Variants in FARS2 observed in about 807,000 individuals in gnomAD.
FARS2 encodes the protein phenylalanine--tRNA ligase, mitochondrial.
A neutral mutation model predicts 46.4 loss-of-function variants in FARS2; 40 were observed. That is an observed-to-expected ratio of 0.86 (90% CI 0.67 to 1.12). The LOEUF is 1.12. Among genes scored for constraint, FARS2 ranks in the 50% most tolerant of loss-of-function variants. FARS2 has a pLI of 0.00. For missense variants in FARS2, 513 were observed against 567.9 expected, an observed-to-expected ratio of 0.90 and a Z score of 0.98; for synonymous variants, 234 against 214.9, an observed-to-expected ratio of 1.09 and a Z score of -0.78.
At chr6:5,270,066 T>G (rs1401770346) in intron 1 of FARS2, among the ~76,000 whole-genome samples, 1 of 152,122 alleles carries the variant, frequency 6.6e-6, no homozygotes, top group Admixed American at 6.5e-5. Context: ...AGTAAAACAG[T>G]TAGTTTCAGT....
At chr6:5,560,368 T>G (rs948646033) in intron 5 of FARS2, among the ~76,000 whole-genome samples, 21 of 152,206 alleles carry the variant, frequency 1.4e-4, no homozygotes, top group Non-Finnish European at 2.5e-4. Context: ...TGACATTTAG[T>G]GATTGTTTTT....
chr6:5,489,579 A>G (rs1175357081), intron 4 of FARS2, among the ~76,000 whole-genome samples: 1 of 152,172 alleles, frequency 6.6e-6, no homozygotes, highest in African/African-American at 2.4e-5. Context: ...CAGTTGACAA[A>G]TTCAGTCAGT....
intron 5 of FARS2, among the ~76,000 whole-genome samples, chr6:5,581,997 T>C (rs1773361347): frequency 1.3e-5 from 1 of 74,190 alleles, no homozygotes; most frequent in African/African-American, 5.3e-5. Flanking sequence ...TTCCGGTTAA[T>C]TCCTGATGCG....
intron 6 of FARS2, among the ~76,000 whole-genome samples, chr6:5,752,595 A>G (rs1284611745): frequency 2.0e-5 from 3 of 152,246 alleles, no homozygotes; most frequent in African/African-American, 7.2e-5. Context: ...AGAGTGGAAC[A>G]GAACAGACGG....
At chr6:5,268,538 G>A (rs182572644) in intron 1 of FARS2, among the ~76,000 whole-genome samples, 1 of 152,150 alleles carries the variant, frequency 6.6e-6, no homozygotes, top group Admixed American at 6.5e-5. Flanking sequence ...ATTTCTGAGG[G>A]CTCTGTTCTG....
chr6:5,663,436 C>G (rs1777943376), intron 6 of FARS2, among the ~76,000 whole-genome samples: 1 of 152,176 alleles, frequency 6.6e-6, no homozygotes, highest in Admixed American at 6.5e-5. Context: ...CTCTGTGCTC[C>G]CTTAATTGAA....
rs573470856 is a variant in FARS2, at chr6:5,338,184, A to G, written c.-21-30366A>G. Among the ~76,000 whole-genome samples the G allele has an allele frequency of 4.6e-5, 7 of 152,336 alleles. No individual in the cohort carries two copies. In the South Asian group the frequency reaches 1.5e-3, roughly 32 times the overall value. The stretch of plus-strand genomic sequence containing the variant: ...TTGTTTTAATAGACCTATAGATTAT[A>G]TAGAATAAAATAGTTTGGATTTTTT... On this transcript the variant is annotated intron_variant, in intron 1 of 6. Transcript: ENST00000274680.
intron 5 of FARS2, among the ~76,000 whole-genome samples, chr6:5,572,027 C>T (rs1386462541): frequency 6.6e-6 from 1 of 152,174 alleles, no homozygotes; most frequent in East Asian, 1.9e-4. Context: ...CTATATCAGC[C>T]CCCAAAGTTA....
At position 5,341,213 on chromosome 6, in the gene FARS2, ATATATATATATATATATATATATTTTT is replaced by A. The variant is rs1333193941; in HGVS notation, c.-21-27335_-21-27309del. ...GATATATATATATATATATATATAT[ATATATATATATATATATATATATTTTT>A]TTTTTTTTTTTTTTTTTCCCTGTGA... On this transcript the variant is annotated intron_variant, in intron 1 of 6. Coordinates refer to ENST00000274680, the MANE Select transcript of FARS2 (RefSeq NM_006567.5). Among the ~76,000 whole-genome samples, 10 of 15,920 alleles carry A rather than the reference ATATATATATATATATATATATATTTTT, an allele frequency of 6.3e-4. 1 individual carries two copies. The highest frequency in any genetic ancestry group is 3.2e-3 in the African/African-American group (9 of 2,818). 10.4% of individuals were successfully genotyped at this position (15,920 alleles called of 152,430 possible).
intron 2 of FARS2, among the ~76,000 whole-genome samples, chr6:5,372,976 A>G (rs756009544): frequency 6.6e-6 from 1 of 152,152 alleles, no homozygotes; most frequent in Non-Finnish European, 1.5e-5. Flanking sequence ...AAATCTTACC[A>G]AATTGAGAGA....
At chr6:5,441,270 T>G (rs1763829486) in intron 4 of FARS2, among the ~76,000 whole-genome samples, 1 of 151,982 alleles carries the variant, frequency 6.6e-6, no homozygotes. Context: ...GAATATATTC[T>G]GCAAGTTTTT....
At chr6:5,321,014 A>G (rs969772223) in intron 1 of FARS2, among the ~76,000 whole-genome samples, 1 of 152,250 alleles carries the variant, frequency 6.6e-6, no homozygotes, top group Admixed American at 6.5e-5. Context: ...AGAAAGTTAC[A>G]TAAGATTCAT....
chr6:5,728,046 C>T (rs73718394), intron 6 of FARS2, among the ~76,000 whole-genome samples: 2,185 of 152,268 alleles, frequency 0.014, 43 homozygotes, highest in African/African-American at 0.049. Context: ...GAGTGGATGC[C>T]GCCTTGATGG....
intron 1 of FARS2, among the ~76,000 whole-genome samples, chr6:5,328,905 C>T (rs193025920): frequency 2.6e-5 from 4 of 152,026 alleles, no homozygotes; most frequent in Admixed American, 6.5e-5. Context: ...CCAAAGAGCT[C>T]GTTTTTCATA....
At chr6:5,552,978 A>G (rs974760203) in intron 5 of FARS2, among the ~76,000 whole-genome samples, 1 of 152,226 alleles carries the variant, frequency 6.6e-6, no homozygotes, top group African/African-American at 2.4e-5. Flanking sequence ...ACAGTCTAAA[A>G]TTATGAATTC....
rs188583198 is a variant in FARS2, at chr6:5,453,739, G to A, written c.904+22567G>A. ...TCCTGTGTGTGTGGCAGGTTGCCAG[G>A]TGCCCCAGATGGTACCAAGGTATGT... On this transcript the variant is annotated intron_variant, in intron 4 of 6. Transcript: ENST00000274680. 6.0e-4 allele frequency among the ~76,000 whole-genome samples: 91 copies of A among 152,312 alleles called. 1 individual carries two copies. The highest frequency in any genetic ancestry group is 2.8e-3 in the Admixed American group (43 of 15,302).
chr6:5,564,353 G>A lies in FARS2; in HGVS notation c.1065+19013G>A, dbSNP rs183967053. Among the ~76,000 whole-genome samples the A allele has an allele frequency of 1.2e-3, 181 of 152,248 alleles. 2 individuals are homozygous for A. The highest frequency in any genetic ancestry group is 4.0e-3 in the African/African-American group (167 of 41,544). ...GGCACCTTACTCACTTTCATTACCC[G>A]GCAGAATTTGCAAGATAATTGCCCA... On this transcript the variant is annotated intron_variant, in intron 5 of 6. Coordinates refer to ENST00000274680, the MANE Select transcript of FARS2 (RefSeq NM_006567.5).
At chr6:5,293,168 C>T (rs1023892492) in intron 1 of FARS2, among the ~76,000 whole-genome samples, 2 of 152,074 alleles carry the variant, frequency 1.3e-5, no homozygotes, top group East Asian at 1.9e-4. Context: ...TGAGGAATTG[C>T]GAACAAGAAG....
At chr6:5,442,271 G>T (rs1013186106) in intron 4 of FARS2, among the ~76,000 whole-genome samples, 1 of 151,648 alleles carries the variant, frequency 6.6e-6, no homozygotes, top group South Asian at 2.1e-4. Context: ...TCTAAAACTG[G>T]CAGGAATTCT....
Sources: gnomAD v4.1 joint callset for allele counts (sites outside exome capture counted in the v4.1 genomes callset) on GRCh38, gnomAD v4.1.1 for gene constraint, MANE v1.5 for transcripts, NCBI Gene and HGNC (gene_info 2026-07-23, HGNC 2026-07-21) for gene names.